MLIP: variants seen among roughly 807,000 people sequenced by gnomAD.
MLIP encodes the protein muscular LMNA interacting protein, also known as muscular LMNA-interacting protein.
Under a neutral mutation model 84.8 loss-of-function variants are expected in MLIP, and 79 were observed. That is an observed-to-expected ratio of 0.93 (90% CI 0.78 to 1.12). The LOEUF (loss-of-function observed/expected upper bound fraction) is 1.12. MLIP is among the 50% of genes most tolerant of loss of function. The pLI is 0.00. For synonymous variants in MLIP, 504 were observed against 463.0 expected, an observed-to-expected ratio of 1.09 and a Z score of -1.14; for missense variants, 1,257 against 1,160.6, an observed-to-expected ratio of 1.08 and a Z score of -1.21.
chr6:54,223,094 A>T lies in MLIP; in HGVS notation c.2719-7620A>T, dbSNP rs181734229. Among the ~76,000 whole-genome samples the T allele has an allele frequency of 1.3e-3, 190 of 151,568 alleles. 1 individual carries two copies. Among genetic ancestry groups the T allele is most frequent in the African/African-American group, 4.4e-3 (180 of 41,370 alleles). On this transcript the variant is annotated intron_variant, in intron 11 of 13. Coordinates refer to ENST00000502396, the MANE Select transcript of MLIP (RefSeq NM_001281747.2). ...AGTTATTTGTGCTTTTTTGGTATTG[A>T]GTTGTATGAGGTTTTTTTCAAATAC...
chr6:54,101,277 T>G (rs538739273), intron 1 of MLIP, among the ~76,000 whole-genome samples: 34 of 152,230 alleles, frequency 2.2e-4, no homozygotes, highest in Non-Finnish European at 4.7e-4. Flanking sequence ...GTAAACATGG[T>G]AATATTCTGA....
upstream of MLIP, among the ~76,000 whole-genome samples, chr6:54,109,622 C>G (rs1164462927): frequency 6.6e-6 from 1 of 152,046 alleles, no homozygotes; most frequent in Non-Finnish European, 1.5e-5. Flanking sequence ...CCCCGTTCTT[C>G]TAAGTGCAGC....
intron 12 of MLIP, among the ~76,000 whole-genome samples, chr6:54,252,205 CAT>C (rs1304073530): frequency 1.9e-5 from 2 of 103,806 alleles, no homozygotes; most frequent in Admixed American, 1.3e-4. Context: ...TATATTATAA[CAT>C]ATAATATATA....
chr6:54,081,148 T>G (rs1192376135), intron 1 of MLIP, among the ~76,000 whole-genome samples: 1 of 152,206 alleles, frequency 6.6e-6, no homozygotes, highest in East Asian at 1.9e-4. Context: ...TGCCTCATTC[T>G]GCACCCCTCT....
intron 4 of MLIP, among the ~76,000 whole-genome samples, chr6:54,147,306 G>A (rs1279516473): frequency 2.0e-5 from 3 of 152,252 alleles, no homozygotes; most frequent in African/African-American, 7.2e-5. Flanking sequence ...TCTAGTTATA[G>A]GACTTCTGTA....
intron 1 of MLIP, among the ~76,000 whole-genome samples, chr6:54,114,649 T>C (rs1352618463): frequency 6.6e-6 from 1 of 152,228 alleles, no homozygotes; most frequent in Non-Finnish European, 1.5e-5. Context: ...ATAGCATTTA[T>C]GAAAATAGTA....
intron 8 of MLIP, among the ~76,000 whole-genome samples, chr6:54,164,095 C>T (rs1338610358): frequency 6.6e-6 from 1 of 151,860 alleles, no homozygotes; most frequent in East Asian, 1.9e-4. Flanking sequence ...TATGTATGAT[C>T]TTACAGATAT....
chr6:54,203,204 C>T (rs778068903), intron 11 of MLIP, among the ~76,000 whole-genome samples: 3 of 152,010 alleles, frequency 2.0e-5, no homozygotes, highest in Admixed American at 6.6e-5. Flanking sequence ...CAATATAAAA[C>T]TTCATAATGA....
chr6:54,214,423 A>G (rs1220563106), intron 11 of MLIP, among the ~76,000 whole-genome samples: 2 of 152,076 alleles, frequency 1.3e-5, no homozygotes, highest in African/African-American at 2.4e-5. Flanking sequence ...CACCACCACT[A>G]CTTTCACCCT....
intron 3 of MLIP, among the ~76,000 whole-genome samples, chr6:54,133,094 T>G (rs1480690218): frequency 6.6e-6 from 1 of 151,970 alleles, no homozygotes; most frequent in African/African-American, 2.4e-5. Context: ...TTACTGAAAC[T>G]TAAAAAATAG....
In MLIP at chr6:54,263,971, A is replaced by G. The variant is rs375872949; in HGVS notation, c.2977-1979A>G. Among the ~76,000 whole-genome samples, 38 of 152,166 alleles carry G rather than the reference A, an allele frequency of 2.5e-4. 1 individual carries two copies. The East Asian group carries it at 3.9e-3, about 16-fold the overall frequency. On this transcript the variant is annotated intron_variant, in intron 13 of 13. Transcript: ENST00000502396. ...CCAAGTTTTTTAGCTCTTTACCTAT[A>G]ATGAGATTGGCAAATAAACCCAGTA...
At chr6:54,252,449 G>T (rs1367340910) in intron 12 of MLIP, among the ~76,000 whole-genome samples, 1 of 86,210 alleles carries the variant, frequency 1.2e-5, no homozygotes, top group Non-Finnish European at 2.1e-5. Flanking sequence ...TATAACTATA[G>T]TATATTATAA....
At chr6:54,045,326 G>A (rs1442059708) in intron 1 of MLIP, 2 of 133,662 alleles carry the variant, frequency 1.5e-5, no homozygotes, top group East Asian at 2.2e-4. Context: ...CAGCCTGGGC[G>A]GCAGAGTGAG....
intron 13 of MLIP, among the ~76,000 whole-genome samples, chr6:54,262,964 CT>C (rs1404264724): frequency 6.6e-6 from 1 of 152,002 alleles, no homozygotes; most frequent in Non-Finnish European, 1.5e-5. Flanking sequence ...TTATTTTTCT[CT>C]TCTAGAAACT....
rs180814085 is a variant in MLIP at position 54,230,544 on chromosome 6, C to G, written c.2719-170C>G. Among the ~76,000 whole-genome samples, 369 of 152,248 alleles carry G rather than the reference C, an allele frequency of 2.4e-3. 1 individual carries two copies. Among genetic ancestry groups the G allele is most frequent in the Non-Finnish European group, 4.0e-3 (272 of 68,020 alleles). ...GAATGAAAGGAATTTTTGAAAGAGA[C>G]ACACAATATACACTGAAAGCAGTTG... On this transcript the variant is annotated intron_variant, in intron 11 of 13. Transcript: ENST00000502396.
intron 1 of MLIP, among the ~76,000 whole-genome samples, chr6:54,095,063 C>T (rs895779369): frequency 6.6e-6 from 1 of 152,178 alleles, no homozygotes; most frequent in Admixed American, 6.5e-5. Flanking sequence ...CGCTCCACAG[C>T]CAGCCAGCAA....
chr6:54,216,537 A>G (rs1352324323), intron 11 of MLIP: 26 of 985,016 alleles, frequency 2.6e-5, no homozygotes, highest in Admixed American at 6.1e-5. Context: ...TTGCTGTCAG[A>G]CAACCATACA....
intron 9 of MLIP, among the ~76,000 whole-genome samples, chr6:54,177,939 C>A (rs1776463115): frequency 1.3e-5 from 2 of 152,092 alleles, no homozygotes; most frequent in Admixed American, 1.3e-4. Context: ...CAAACTAATA[C>A]AGGAACAGAA....
chr6:54,098,155 T>C (rs1274804270), intron 1 of MLIP, among the ~76,000 whole-genome samples: 4 of 147,698 alleles, frequency 2.7e-5, no homozygotes, highest in East Asian at 2.0e-4. Flanking sequence ...TTTCTTTTTT[T>C]TTTTTTTTTT....
Sources: gnomAD v4.1 joint callset for allele counts (sites outside exome capture counted in the v4.1 genomes callset) on GRCh38, gnomAD v4.1.1 for gene constraint, MANE v1.5 for transcripts, NCBI Gene and HGNC (gene_info 2026-07-23, HGNC 2026-07-21) for gene names.